NOS1AP: variants seen among roughly 807,000 people sequenced by gnomAD.
The protein encoded by NOS1AP is carboxyl-terminal PDZ ligand of neuronal nitric oxide synthase protein.
Under a neutral mutation model 56.2 loss-of-function variants are expected in NOS1AP, and 21 were observed. The observed-to-expected ratio is 0.37, with a 90% CI of 0.26 to 0.54. The LOEUF (loss-of-function observed/expected upper bound fraction) is 0.54, where lower values mean the gene tolerates loss of function less well. NOS1AP is among the 20% of genes least tolerant of loss of function. NOS1AP has a pLI of 0.84. For synonymous variants in NOS1AP, 270 were observed against 274.6 expected (o/e 0.98, Z 0.17); for missense variants, 522 against 657.8 (o/e 0.79, Z 2.26).
chr1:162,086,686 G>C (rs1558092507), intron 1 of NOS1AP, among the ~76,000 whole-genome samples: 2 of 152,128 alleles, frequency 1.3e-5, no homozygotes, highest in Non-Finnish European at 2.9e-5. Context: ...TAGTGATTTT[G>C]CTTCCCCTGA....
intron 2 of NOS1AP, among the ~76,000 whole-genome samples, chr1:162,279,902 C>A (rs1315252895): frequency 6.6e-6 from 1 of 152,134 alleles, no homozygotes; most frequent in Non-Finnish European, 1.5e-5. Flanking sequence ...GCTAATGAAC[C>A]TGGGAAGTCT....
At chr1:162,084,398 G>C (rs1293948376) in intron 1 of NOS1AP, among the ~76,000 whole-genome samples, 1 of 152,088 alleles carries the variant, frequency 6.6e-6, no homozygotes, top group East Asian at 1.9e-4. Context: ...AAAGGGCAGG[G>C]GCAACTCATT....
intron 6 of NOS1AP, among the ~76,000 whole-genome samples, chr1:162,352,477 C>CCTTTAGGCCAGGT (rs1657546934): frequency 6.6e-6 from 1 of 151,920 alleles, no homozygotes; most frequent in African/African-American, 2.4e-5. Flanking sequence ...TTAGGCCAGG[C>CCTTTAGGCCAGGT]CTTTTTCCTG....
intron 1 of NOS1AP, among the ~76,000 whole-genome samples, chr1:162,154,077 G>A (rs1197434488): frequency 4.6e-5 from 7 of 150,672 alleles, no homozygotes; most frequent in African/African-American, 1.7e-4. Context: ...TGAGGAAATT[G>A]AGACAAAAAA....
At chr1:162,086,541 G>A (rs1692007083) in intron 1 of NOS1AP, among the ~76,000 whole-genome samples, 1 of 152,090 alleles carries the variant, frequency 6.6e-6, no homozygotes, top group African/African-American at 2.4e-5. Context: ...CACCTTATAG[G>A]TGTGCCATTG....
At chr1:162,292,486 G>C (rs1204810862) in intron 3 of NOS1AP, among the ~76,000 whole-genome samples, 9 of 152,192 alleles carry the variant, frequency 5.9e-5, no homozygotes, top group Admixed American at 5.9e-4. Context: ...TGTCCTATTA[G>C]GTAGATACCA....
chr1:162,087,655 C>A (rs965631990), intron 1 of NOS1AP, among the ~76,000 whole-genome samples: 3 of 152,160 alleles, frequency 2.0e-5, no homozygotes, highest in African/African-American at 7.2e-5. Flanking sequence ...CTCCATGATT[C>A]TATATTTGAT....
chr1:162,303,680 G>A (rs916116489), intron 4 of NOS1AP, among the ~76,000 whole-genome samples: 3 of 152,098 alleles, frequency 2.0e-5, no homozygotes, highest in Non-Finnish European at 4.4e-5. Context: ...GAGCTCAAGC[G>A]AACCTTCCAT....
intron 8 of NOS1AP, chr1:162,363,754 G>C: frequency 3.1e-6 from 3 of 978,336 alleles, no homozygotes; most frequent in Non-Finnish European, 3.6e-6. Context: ...GACCAAACAT[G>C]TATTTCACTG....
At chr1:162,070,960 A>C (rs900462154) in intron 1 of NOS1AP, among the ~76,000 whole-genome samples, 2 of 152,054 alleles carry the variant, frequency 1.3e-5, no homozygotes, top group African/African-American at 2.4e-5. Flanking sequence ...TTCAGCGCTG[A>C]GGTCGGAGCC....
intron 6 of NOS1AP, among the ~76,000 whole-genome samples, chr1:162,344,475 C>T (rs1171731765): frequency 6.6e-6 from 1 of 151,868 alleles, no homozygotes; most frequent in Admixed American, 6.6e-5. Flanking sequence ...ATGAGCAGAT[C>T]ACTTGAGCCC....
intron 2 of NOS1AP, among the ~76,000 whole-genome samples, chr1:162,230,921 T>G (rs1466308753): frequency 1.3e-5 from 2 of 152,210 alleles, no homozygotes; most frequent in Non-Finnish European, 2.9e-5. Context: ...TTTTACCTTT[T>G]GGCTATTGTG....
Position 162,335,490 on chromosome 1 carries a change from A to T in NOS1AP, c.453+2365A>T, listed in dbSNP as rs547386244. Among the ~76,000 whole-genome samples, 3 of 152,296 alleles carry T rather than the reference A, an allele frequency of 2.0e-5. No individual in the cohort carries two copies. The East Asian group carries it at 5.8e-4, about 29-fold the overall frequency. Reference sequence around the variant, plus strand: ...TGGTGATTTACCTTTTTTATAAAGCACTTCTAATGTCAAGAGGTAATAGTT... The same window carrying T: ...TGGTGATTTACCTTTTTTATAAAGCTCTTCTAATGTCAAGAGGTAATAGTT... On this transcript the variant is annotated intron_variant, in intron 5 of 9. Coordinates refer to ENST00000361897, the MANE Select transcript of NOS1AP (RefSeq NM_014697.3).
intron 2 of NOS1AP, among the ~76,000 whole-genome samples, chr1:162,201,022 C>T (rs375516288): frequency 6.6e-6 from 1 of 152,116 alleles, no homozygotes; most frequent in Non-Finnish European, 1.5e-5. Flanking sequence ...AAGCCTAGTA[C>T]CCATTAATTA....
chr1:162,319,859 C>A (rs1656356024), intron 4 of NOS1AP, among the ~76,000 whole-genome samples: 1 of 152,206 alleles, frequency 6.6e-6, no homozygotes, highest in Non-Finnish European at 1.5e-5. Flanking sequence ...ATTAAACTCT[C>A]TTCAGCCTAC....
At chr1:162,115,749 G>A (rs1271497079) in intron 1 of NOS1AP, among the ~76,000 whole-genome samples, 2 of 152,190 alleles carry the variant, frequency 1.3e-5, no homozygotes, top group African/African-American at 4.8e-5. Context: ...GTTTCATCTT[G>A]AAAACTAGAG....
chr1:162,350,336 T>C (rs758803800), intron 6 of NOS1AP, among the ~76,000 whole-genome samples: 8 of 152,250 alleles, frequency 5.3e-5, no homozygotes, highest in Non-Finnish European at 1.0e-4. Flanking sequence ...GCCTCTTCCC[T>C]CTCTCCCTCT....
intron 2 of NOS1AP, among the ~76,000 whole-genome samples, chr1:162,259,105 G>A (rs1407793185): frequency 6.6e-6 from 1 of 152,112 alleles, no homozygotes; most frequent in Non-Finnish European, 1.5e-5. Context: ...CTCATCATCT[G>A]GGACAGAGAG....
chr1:162,251,630 G>A (rs12406604), intron 2 of NOS1AP, among the ~76,000 whole-genome samples: 1 of 146,210 alleles, frequency 6.8e-6, no homozygotes, highest in South Asian at 2.1e-4. Flanking sequence ...GTGTGTGTGT[G>A]TGTCTGTGTG....
Sources: gnomAD v4.1 joint callset for allele counts (sites outside exome capture counted in the v4.1 genomes callset) on GRCh38, gnomAD v4.1.1 for gene constraint, MANE v1.5 for transcripts, NCBI Gene and HGNC (gene_info 2026-07-23, HGNC 2026-07-21) for gene names.